RAB3C: variants seen among roughly 807,000 people sequenced by gnomAD.
The protein encoded by RAB3C is ras-related protein Rab-3C.
In RAB3C, 17 loss-of-function variants were observed where a neutral mutation model predicts 26.4. The ratio of observed to expected loss-of-function variants is 0.64; its 90% CI spans 0.44 to 0.97. The LOEUF (loss-of-function observed/expected upper bound fraction) is 0.97, where lower values mean the gene tolerates loss of function less well. Ranked by LOEUF, RAB3C falls within the 50% of genes least tolerant of loss-of-function variation. The probability of loss-of-function intolerance (pLI) is 0.00; values close to 1 mark genes in which losing one functional copy is unlikely to be tolerated. For missense variants in RAB3C, 242 were observed against 281.9 expected (o/e 0.86, Z 1.01); for synonymous variants, 91 against 95.9 (o/e 0.95, Z 0.30).
intron 2 of RAB3C, among the ~76,000 whole-genome samples, chr5:58,634,743 G>GAAATAAAA (rs1747254182): frequency 6.6e-6 from 1 of 152,138 alleles, no homozygotes; most frequent in African/African-American, 2.4e-5. Flanking sequence ...GAGAAAAATA[G>GAAATAAAA]AAAGTTGTGC....
intron 3 of RAB3C, among the ~76,000 whole-genome samples, chr5:58,750,385 C>CT (rs1311907921): frequency 6.6e-6 from 1 of 152,172 alleles, no homozygotes; most frequent in Non-Finnish European, 1.5e-5. Flanking sequence ...TCTTAATTCT[C>CT]TTTAAGATTT....
intron 2 of RAB3C, among the ~76,000 whole-genome samples, chr5:58,636,867 T>C (rs1029042756): frequency 6.6e-6 from 1 of 152,328 alleles, no homozygotes; most frequent in South Asian, 2.1e-4. Context: ...ATATGTGTCC[T>C]TAAAGTTCCT....
chr5:58,806,837 TAC>T (rs1742951466), intron 3 of RAB3C, among the ~76,000 whole-genome samples: 1 of 152,106 alleles, frequency 6.6e-6, no homozygotes, highest in African/African-American at 2.4e-5. Flanking sequence ...CCAAAATCAA[TAC>T]TGGTACCTTT....
At chr5:58,660,061 T>TAA (rs1366531836) in intron 2 of RAB3C, among the ~76,000 whole-genome samples, 3,066 of 148,108 alleles carry the variant, frequency 0.021, 237 homozygotes, top group African/African-American at 0.077. Context: ...CGCCTCGGCC[T>TAA]CCCAAAGTGC....
At chr5:58,633,592 T>A (rs1327705049) in intron 2 of RAB3C, among the ~76,000 whole-genome samples, 1 of 152,162 alleles carries the variant, frequency 6.6e-6, no homozygotes, top group African/African-American at 2.4e-5. Context: ...TGAATAAAAG[T>A]CATATTATTA....
At position 58,853,681 on chromosome 5, in the gene RAB3C, C is replaced by A. The variant is rs1744165385; in HGVS notation, c.*2330C>A. ...CATTTTATGCCAGTCAGGGGAGAGA[C>A]AGGCAACAATAGCCCAAATGTCATT... On this transcript the variant is annotated 3_prime_UTR_variant, in exon 5 of 5. Coordinates refer to ENST00000282878, the MANE Select transcript of RAB3C (RefSeq NM_138453.4). 1.3e-5 allele frequency: 2 copies of A among 152,168 alleles called. No individual in the cohort carries two copies. Among genetic ancestry groups the A allele is most frequent in the Admixed American group, 1.3e-4 (2 of 15,268 alleles). 9.4% of individuals were successfully genotyped at this position (152,168 alleles called of 1,614,324 possible).
chr5:58,623,726 T>C (rs1460417853), intron 2 of RAB3C, among the ~76,000 whole-genome samples: 1 of 152,176 alleles, frequency 6.6e-6, no homozygotes, highest in African/African-American at 2.4e-5. Context: ...TTAATAGAGC[T>C]TACCAACTGC....
At chr5:58,805,664 GA>G (rs1227635266) in intron 3 of RAB3C, among the ~76,000 whole-genome samples, 1 of 151,334 alleles carries the variant, frequency 6.6e-6, no homozygotes, top group African/African-American at 2.4e-5. Context: ...AGAGAACATA[GA>G]AAAATGTTCC....
chr5:58,825,114 G>A lies in RAB3C; in HGVS notation c.448G>A (p.Glu150Lys), dbSNP rs140644565. ...TGGGAACAAGTGTGACATGGAAGAC[G>A]AGCGGGTCATCTCAACTGAGCGAGG... ...LVGNKCDMEDERVISTERGQH... is the reference protein window; with the variant it reads ...LVGNKCDMEDKRVISTERGQH... The change falls in exon 4 of 5, where the codon GAG (glutamate) becomes AAG (lysine). Residue 150 changes from glutamate (E) to lysine (K), a missense_variant. Transcript: ENST00000282878. 1.6e-5 allele frequency: 26 copies of A among 1,613,120 alleles called. No homozygotes were observed. The highest frequency in any genetic ancestry group is 4.0e-5 in the African/African-American group (3 of 74,896).
chr5:58,646,852 A>G (rs923948650), intron 2 of RAB3C, among the ~76,000 whole-genome samples: 1 of 152,192 alleles, frequency 6.6e-6, no homozygotes, highest in African/African-American at 2.4e-5. Context: ...GAGTCTTGCA[A>G]ATAATTCTCC....
rs571194327 is a variant in RAB3C at position 58,787,487 on chromosome 5, T to A, written c.372-37551T>A. ...TGTATTTTCTCACTTTCTAGAAGAA[T>A]GTGTTTTGTCTATATACTTTGAAAA... On this transcript the variant is annotated intron_variant, in intron 3 of 4. Transcript: ENST00000282878. Among the ~76,000 whole-genome samples the A allele has an allele frequency of 1.0e-3, 155 of 152,314 alleles. 1 individual carries two copies. Among genetic ancestry groups the A allele is most frequent in the African/African-American group, 3.5e-3 (145 of 41,572 alleles).
chr5:58,727,866 C>G (rs1740924399), intron 3 of RAB3C, among the ~76,000 whole-genome samples: 1 of 152,010 alleles, frequency 6.6e-6, no homozygotes, highest in African/African-American at 2.4e-5. Flanking sequence ...TTAATTAAAA[C>G]TTCCTCAGCC....
chr5:58,597,078 TA>T (rs372907110), intron 1 of RAB3C, among the ~76,000 whole-genome samples: 1,232 of 3,226 alleles, frequency 0.38, 39 homozygotes, highest in African/African-American at 0.45. Context: ...TATTATATAA[TA>T]ATATATAATA....
intron 3 of RAB3C, among the ~76,000 whole-genome samples, chr5:58,757,972 C>T (rs1419812411): frequency 1.3e-5 from 2 of 151,424 alleles, no homozygotes; most frequent in South Asian, 2.1e-4. Context: ...GACGGAGTCT[C>T]GCTCTGTCGC....
intron 2 of RAB3C, among the ~76,000 whole-genome samples, chr5:58,707,845 AT>A (rs1748975757): frequency 6.6e-6 from 1 of 151,812 alleles, no homozygotes; most frequent in South Asian, 2.1e-4. Context: ...TCTTCACTCT[AT>A]TTTTCCCCCC....
At chr5:58,849,123 A>G (rs16888703) in intron 4 of RAB3C, among the ~76,000 whole-genome samples, 9,214 of 152,312 alleles carry the variant, frequency 0.06, 379 homozygotes, top group East Asian at 0.13. Flanking sequence ...GTGGATTATC[A>G]TCTTTTCATA....
chr5:58,704,726 A>G (rs1220764018), intron 2 of RAB3C, among the ~76,000 whole-genome samples: 3 of 152,094 alleles, frequency 2.0e-5, no homozygotes, highest in Non-Finnish European at 2.9e-5. Flanking sequence ...TATTTTCAGA[A>G]GTTTAAAGGG....
chr5:58,677,989 TGTGTGTGTGTGTGCATGC>T (rs1748262966), intron 2 of RAB3C, among the ~76,000 whole-genome samples: 1 of 151,494 alleles, frequency 6.6e-6, no homozygotes, highest in South Asian at 2.1e-4. Context: ...TGTGTGTGTG[TGTGTGTGTGTGTGCATGC>T]GTGTGTGTGT....
intron 1 of RAB3C, among the ~76,000 whole-genome samples, chr5:58,608,910 C>A (rs527612115): frequency 6.6e-6 from 1 of 152,188 alleles, no homozygotes; most frequent in South Asian, 2.1e-4. Flanking sequence ...AAGCTGGAAA[C>A]CATCATTCTC....
Sources: allele counts gnomAD v4.1 joint callset (sites outside exome capture counted in the v4.1 genomes callset), GRCh38; gene constraint gnomAD v4.1.1; transcripts MANE v1.5; gene names NCBI Gene and HGNC (gene_info 2026-07-23, HGNC 2026-07-21).